PAPOLA: variants seen among roughly 807,000 people sequenced by gnomAD.
PAPOLA encodes the protein poly(A) polymerase alpha.
In PAPOLA, 15 loss-of-function variants were observed where a neutral mutation model predicts 100.6. The observed-to-expected ratio is 0.15, with a 90% CI of 0.10 to 0.23. PAPOLA has a LOEUF of 0.23. Among genes scored for constraint, PAPOLA ranks in the 10% least tolerant of loss-of-function variants. The pLI is 1.00. For missense variants in PAPOLA, 533 were observed against 884.2 expected (o/e 0.60, Z 5.04); for synonymous variants, 293 against 300.0 (o/e 0.98, Z 0.24).
At chr14:96,513,987 T>C (rs182869824) in intron 1 of PAPOLA, among the ~76,000 whole-genome samples, 3 of 152,350 alleles carry the variant, frequency 2.0e-5, no homozygotes, top group Admixed American at 2.0e-4. Context: ...TTTAAATATT[T>C]CTGAAATAGC....
At chr14:96,543,033 GT>G in intron 14 of PAPOLA, 140 bp downstream of exon 14, 2 of 857,840 alleles carry the variant, frequency 2.3e-6, no homozygotes, top group Non-Finnish European at 3.6e-6. Context: ...TTATAATTTA[GT>G]TTTTCCTGAT....
intron 12 of PAPOLA, among the ~76,000 whole-genome samples, chr14:96,540,863 A>G (rs1402464688): frequency 3.3e-5 from 5 of 152,192 alleles, no homozygotes; most frequent in Admixed American, 3.3e-4. Flanking sequence ...CTAGGATTAC[A>G]TAGCTGTGAA....
chr14:96,556,131 T>G, intron 18 of PAPOLA, 44 bp from the exon 19 acceptor site: 1 of 1,461,252 alleles, frequency 6.8e-7, no homozygotes, highest in Non-Finnish European at 9.6e-7. Flanking sequence ...TTGATACTGA[T>G]TTGGTTATTT....
chr14:96,536,988 C>A lies in PAPOLA; in HGVS notation c.1043C>A (p.Thr348Lys). ...GTTTTTAATTTAGGTCTTGCTATCACAGATGAAATTTTGCTGAGTAAGGCA... is the reference window on the plus strand; with the variant it reads ...GTTTTTAATTTAGGTCTTGCTATCAAAGATGAAATTTTGCTGAGTAAGGCA... Reference protein sequence around the residue: ...VEEFKQGLAITDEILLSKAEW... With the variant: ...VEEFKQGLAIKDEILLSKAEW... The change falls in exon 12 of 22, where the codon ACA (threonine) becomes AAA (lysine). Residue 348 changes from threonine to lysine, a missense_variant. Physicochemically the swap from Thr to Lys is moderately conservative, Grantham distance 78. Coordinates refer to ENST00000216277, the MANE Select transcript of PAPOLA (RefSeq NM_032632.5). 1 of 1,594,124 alleles carries A rather than the reference C, an allele frequency of 6.3e-7. No individual in the cohort carries two copies. The highest frequency in any genetic ancestry group is 8.6e-7 in the Non-Finnish European group (1 of 1,162,006).
At chr14:96,540,158 T>C (rs75327690) in intron 12 of PAPOLA, among the ~76,000 whole-genome samples, 6,668 of 152,306 alleles carry the variant, frequency 0.044, 204 homozygotes, top group South Asian at 0.11. Flanking sequence ...AAATGGATTG[T>C]ATGTTTTCCC....
At chr14:96,526,898 C>T (rs193022516) in intron 4 of PAPOLA, 1 of 152,536 alleles carries the variant, frequency 6.6e-6, no homozygotes, top group Admixed American at 6.5e-5. Flanking sequence ...TTTTAATTCT[C>T]CTTTTTAAAA....
At chr14:96,551,044 C>T (rs1370119782) in intron 16 of PAPOLA, among the ~76,000 whole-genome samples, 1 of 152,090 alleles carries the variant, frequency 6.6e-6, no homozygotes, top group Non-Finnish European at 1.5e-5. Flanking sequence ...GTGTTTCTTT[C>T]TGTAGTATGT....
intron 1 of PAPOLA, among the ~76,000 whole-genome samples, chr14:96,513,791 C>T (rs1311993995): frequency 6.6e-6 from 1 of 152,174 alleles, no homozygotes; most frequent in Non-Finnish European, 1.5e-5. Flanking sequence ...GCTGTTTTGG[C>T]ATAAGCTGCA....
intron 11 of PAPOLA, 107 bp from the exon 12 acceptor site, chr14:96,536,869 A>G: frequency 1.5e-6 from 1 of 657,354 alleles, no homozygotes; most frequent in South Asian, 1.9e-5. Flanking sequence ...ATATGTTAAA[A>G]TTCTGGTTTT....
intron 12 of PAPOLA, among the ~76,000 whole-genome samples, chr14:96,538,274 C>A (rs973793881): frequency 1.1e-4 from 16 of 151,930 alleles, no homozygotes; most frequent in African/African-American, 3.9e-4. Context: ...AAACTAGATT[C>A]AAACTTTGTT....
At position 96,542,388 on chromosome 14, in the gene PAPOLA, A is replaced by T. The variant is rs1025953904; in HGVS notation, c.1169+92A>T. On this transcript the variant is annotated intron_variant, in intron 13 of 21. Coordinates refer to ENST00000216277, the MANE Select transcript of PAPOLA (RefSeq NM_032632.5). ...AGTAGGAGATGGGAGGAAGTCCTTA[A>T]AACTTCTAGTTTGGTTTGATTTGTT... is the stretch of plus-strand genomic sequence containing the variant. 9.1e-6 allele frequency: 7 copies of T among 768,170 alleles called. No individual in the cohort carries two copies. In the African/African-American group the frequency reaches 1.2e-4, roughly 13 times the overall value. 47.6% of individuals were successfully genotyped at this position (768,170 alleles called of 1,614,324 possible).
rs754626460 is a variant in PAPOLA, at chr14:96,527,539, A to G, written c.441A>G (p.Arg147=). 4.0e-6 allele frequency: 6 copies of G among 1,493,018 alleles called. No individual in the cohort carries two copies. The South Asian group carries it at 6.8e-5, about 17-fold the overall frequency. The allele number at this position is 1,493,018 out of a possible 1,614,324, so 92.5% of individuals were successfully genotyped here. A position where few individuals can be genotyped will look rare whatever the true frequency, so the allele number is the denominator to read the frequency against. The change falls in exon 5 of 22, where the codon AGA becomes AGG. Residue 147 remains arginine, a splice_region_variant and synonymous_variant. Coordinates refer to ENST00000216277, the MANE Select transcript of PAPOLA (RefSeq NM_032632.5). ...TACAGGAAGAAGTAAAAGATTTAAG[A>G]GTGCGTAAATGTTCGGGGTGAAATG... ...LKLQEEVKDL[R]AVEEAFVPVI...
At chr14:96,559,550 C>CCTCTCTCT (rs66829530) in intron 19 of PAPOLA, among the ~76,000 whole-genome samples, 218 of 118,460 alleles carry the variant, frequency 1.8e-3, no homozygotes, top group South Asian at 0.011. Context: ...GCTAAATTAA[C>CCTCTCTCT]CTCTCTCTCT....
chr14:96,557,696 A>T (rs1409506418), intron 19 of PAPOLA, among the ~76,000 whole-genome samples: 1 of 150,880 alleles, frequency 6.6e-6, no homozygotes, highest in Non-Finnish European at 1.5e-5. Flanking sequence ...ATGGTGAAAA[A>T]TTATTTTATT....
rs1316516549 is a variant in PAPOLA at position 96,512,202 on chromosome 14, G to A, written c.9-7853G>A. Among the ~76,000 whole-genome samples, 6 of 151,842 alleles carry A rather than the reference G, an allele frequency of 4.0e-5. No homozygotes were observed. The South Asian group carries it at 1.2e-3, about 32-fold the overall frequency. The stretch of plus-strand genomic sequence containing the variant: ...ATAAAATATAAGGTAAAATTTTACG[G>A]TCTCAATTCTGCTTGATTGTGTTTC... On this transcript the variant is annotated intron_variant, in intron 1 of 21. Coordinates refer to ENST00000216277, the MANE Select transcript of PAPOLA (RefSeq NM_032632.5).
At chr14:96,513,337 G>A (rs1424851334) in intron 1 of PAPOLA, among the ~76,000 whole-genome samples, 1 of 152,130 alleles carries the variant, frequency 6.6e-6, no homozygotes, top group Non-Finnish European at 1.5e-5. Context: ...CCAAAGTGAC[G>A]GGATTACAGG....
At chr14:96,544,055 A>G in intron 14 of PAPOLA, 94 bp from the exon 15 acceptor site, 2 of 723,642 alleles carry the variant, frequency 2.8e-6, no homozygotes, top group Admixed American at 2.3e-5. Context: ...ATACATTTGT[A>G]TTGTAAGTTT....
In PAPOLA at chr14:96,527,377, A is replaced by G. The variant is rs1898581273; in HGVS notation, c.332-53A>G. The G allele has an allele frequency of 1.1e-5, 12 of 1,081,024 alleles. No homozygotes were observed. In the South Asian group the frequency reaches 1.4e-4, roughly 13 times the overall value. 67.0% of individuals were successfully genotyped at this position (1,081,024 alleles called of 1,614,324 possible). ...TCAAATACTACCATGATAGGATGCA[A>G]AATAATTTTCTTGTAATATTAATTA... On this transcript the variant is annotated intron_variant, in intron 4 of 21. Coordinates refer to ENST00000216277, the MANE Select transcript of PAPOLA (RefSeq NM_032632.5).
chr14:96,529,061 G>T (rs1315705077), intron 6 of PAPOLA, among the ~76,000 whole-genome samples: 1 of 152,156 alleles, frequency 6.6e-6, no homozygotes, highest in Non-Finnish European at 1.5e-5. Context: ...TGGAAAGTTA[G>T]ATGGCTACTT....
Sources: allele counts gnomAD v4.1 joint callset (sites outside exome capture counted in the v4.1 genomes callset), GRCh38; gene constraint gnomAD v4.1.1; transcripts MANE v1.5; gene names NCBI Gene and HGNC (gene_info 2026-07-23, HGNC 2026-07-21).